The following USP34 variants were observed in gnomAD, a reference collection of about 807,000 sequenced individuals.
USP34 encodes the protein ubiquitin carboxyl-terminal hydrolase 34.
Under a neutral mutation model 460.3 loss-of-function variants are expected in USP34, and 70 were observed. The ratio of observed to expected loss-of-function variants is 0.15; its 90% confidence interval spans 0.13 to 0.19. USP34 has a LOEUF of 0.19. USP34 is among the 10% of genes least tolerant of loss of function. The pLI is 1.00. For synonymous variants in USP34, 1,647 were observed against 1,405.3 expected (o/e 1.17, Z -3.85); for missense variants, 3,985 against 4,236.2 (o/e 0.94, Z 1.65).
chr2:61,391,463 C>T (rs17008940), intron 5 of USP34, among the ~76,000 whole-genome samples: 19,537 of 152,080 alleles, frequency 0.13, 1,491 homozygotes, highest in South Asian at 0.32. Context: ...TATTCAGTAA[C>T]GTTAGTCCGT....
At chr2:61,387,876 C>T (rs371549912) in intron 5 of USP34, among the ~76,000 whole-genome samples, 14 of 146,920 alleles carry the variant, frequency 9.5e-5, no homozygotes, top group Non-Finnish European at 1.5e-4. Flanking sequence ...TTTACGTATA[C>T]GCATATGTAA....
chr2:61,318,311 G>A (rs1333454569), intron 22 of USP34, among the ~76,000 whole-genome samples: 3 of 152,028 alleles, frequency 2.0e-5, no homozygotes, highest in Non-Finnish European at 4.4e-5. Context: ...CAAATCAGAG[G>A]ACATAAATAA....
chr2:61,415,469 C>T lies in USP34; in HGVS notation c.131+5277G>A, dbSNP rs1446178761. Among the ~76,000 whole-genome samples, 3 of 152,076 alleles carry T rather than the reference C, an allele frequency of 2.0e-5. No homozygotes were observed. The East Asian group carries it at 5.8e-4, about 29-fold the overall frequency. On this transcript the variant is annotated intron_variant, in intron 2 of 79. Transcript: ENST00000398571. Reference sequence around the variant, plus strand: ...AGAACTACCCTAAGAATTGATGTAACTATACTGAGAGAACTGGGGAGGGTA... The same window carrying T: ...AGAACTACCCTAAGAATTGATGTAATTATACTGAGAGAACTGGGGAGGGTA...
chr2:61,387,184 G>C (rs1469091279), intron 5 of USP34, among the ~76,000 whole-genome samples: 2 of 152,088 alleles, frequency 1.3e-5, no homozygotes, highest in Non-Finnish European at 2.9e-5. Context: ...TAACAGGCCA[G>C]GTGCAGTGGC....
chr2:61,436,201 C>T lies in USP34; in HGVS notation c.44-15368G>A, dbSNP rs188102559. On this transcript the variant is annotated intron_variant, in intron 1 of 79. Coordinates refer to ENST00000398571, the MANE Select transcript of USP34 (RefSeq NM_014709.4). ...AAAAAATTGGCTGGGCACAGTGGCT[C>T]ATGCTGTAATCTCAGCTACTTGGGA... Among the ~76,000 whole-genome samples the T allele has an allele frequency of 1.9e-3, 284 of 151,820 alleles. 1 individual carries two copies. The highest frequency in any genetic ancestry group is 6.8e-3 in the Middle Eastern group (2 of 292).
intron 78 of USP34, 133 bp downstream of exon 78, chr2:61,190,135 CTTG>C: frequency 1.6e-6 from 2 of 1,244,528 alleles, no homozygotes; most frequent in South Asian, 1.6e-5. Context: ...GTATTTAAAA[CTTG>C]TTTTTTTGTC....
intron 33 of USP34, among the ~76,000 whole-genome samples, chr2:61,291,948 A>ATC: frequency 2.0e-5 from 3 of 152,204 alleles, no homozygotes; most frequent in African/African-American, 7.2e-5. Flanking sequence ...TAAGTGAAAG[A>ATC]AACCAGTCAC....
At chr2:61,189,295 A>C in intron 78 of USP34, 1 of 438,616 alleles carries the variant, frequency 2.3e-6, no homozygotes, top group Non-Finnish European at 3.9e-6. Context: ...TTTTTTTGAG[A>C]TGGAGTCTTG....
At chr2:61,321,237 C>G (rs1159460664) in intron 21 of USP34, among the ~76,000 whole-genome samples, 1 of 152,074 alleles carries the variant, frequency 6.6e-6, no homozygotes. Context: ...CTTTGGGAGG[C>G]TGAGGCAGGC....
rs182161465 is a variant in USP34 at position 61,387,992 on chromosome 2, T to G, written c.754-4656A>C. Among the ~76,000 whole-genome samples, 229 of 146,422 alleles carry G rather than the reference T, an allele frequency of 1.6e-3. 1 individual carries two copies. The highest frequency in any genetic ancestry group is 7.2e-3 in the Middle Eastern group (2 of 278). On this transcript the variant is annotated intron_variant, in intron 5 of 79. Coordinates refer to ENST00000398571, the MANE Select transcript of USP34 (RefSeq NM_014709.4). Reference sequence around the variant, plus strand: ...ATATAAATATAAAAAAAAGGCCAGGTGGAGTGGCTCATGCCTGTAATCCCA... The same window carrying G: ...ATATAAATATAAAAAAAAGGCCAGGGGGAGTGGCTCATGCCTGTAATCCCA...
intron 43 of USP34, among the ~76,000 whole-genome samples, chr2:61,261,598 AT>A (rs1486157144): frequency 6.6e-6 from 1 of 152,194 alleles, no homozygotes; most frequent in Non-Finnish European, 1.5e-5. Context: ...AATAATGTGA[AT>A]GTATTTAATC....
intron 75 of USP34, 41 bp downstream of exon 75, chr2:61,203,099 A>C (rs1687023230): frequency 6.7e-7 from 1 of 1,495,696 alleles, no homozygotes; most frequent in Non-Finnish European, 9.0e-7. Context: ...TAGGGGCTTA[A>C]AATAATTCAG....
chr2:61,210,858 A>G (rs1434464239), intron 69 of USP34, among the ~76,000 whole-genome samples: 1 of 152,124 alleles, frequency 6.6e-6, no homozygotes, highest in Non-Finnish European at 1.5e-5. Flanking sequence ...CTACAGGTGC[A>G]TGCCGTCACA....
chr2:61,460,718 C>G (rs1409733829), intron 1 of USP34, among the ~76,000 whole-genome samples: 2 of 152,140 alleles, frequency 1.3e-5, no homozygotes, highest in Non-Finnish European at 2.9e-5. Context: ...GGTGTGGCAG[C>G]TCATGCCTGT....
At chr2:61,379,815 T>C (rs530374562) in intron 7 of USP34, among the ~76,000 whole-genome samples, 2 of 152,372 alleles carry the variant, frequency 1.3e-5, no homozygotes, top group South Asian at 2.1e-4. Flanking sequence ...CAATAATCTA[T>C]GGTTTCTGCC....
rs1240971987 is a variant in USP34 at position 61,203,273 on chromosome 2, A to G, written c.9385-10T>C. 1.5e-5 allele frequency: 22 copies of G among 1,514,972 alleles called. No homozygotes were observed. The highest frequency in any genetic ancestry group is 1.9e-5 in the Non-Finnish European group (22 of 1,131,244). The allele number at this position is 1,514,972 out of a possible 1,614,324, so 93.8% of individuals were successfully genotyped here. ...AAACGTCATCTTTGCCCTGAAGGTTAAAGATGATAAAATGGTTGCACTTAA... is the reference window on the plus strand; with the variant it reads ...AAACGTCATCTTTGCCCTGAAGGTTGAAGATGATAAAATGGTTGCACTTAA... On this transcript the variant is annotated splice_polypyrimidine_tract_variant and intron_variant, in intron 74 of 79. Transcript: ENST00000398571.
At chr2:61,402,163 C>G (rs1175269001) in intron 3 of USP34, among the ~76,000 whole-genome samples, 1 of 151,926 alleles carries the variant, frequency 6.6e-6, no homozygotes, top group East Asian at 1.9e-4. Flanking sequence ...GCCTAGTGTC[C>G]AAGCTACTCA....
chr2:61,318,986 G>T (rs1306468620), intron 22 of USP34, among the ~76,000 whole-genome samples, 187 bp downstream of exon 22: 1 of 151,732 alleles, frequency 6.6e-6, no homozygotes, highest in Non-Finnish European at 1.5e-5. Context: ...TAATTTAGAG[G>T]TAAACAGTGT....
chr2:61,355,413 C>T (rs376716659), intron 10 of USP34, among the ~76,000 whole-genome samples: 31 of 152,246 alleles, frequency 2.0e-4, no homozygotes, highest in African/African-American at 7.5e-4. Context: ...ACTAGGCACA[C>T]AACATACCAA....
Sources: gnomAD v4.1 joint callset for allele counts (sites outside exome capture counted in the v4.1 genomes callset) on GRCh38, gnomAD v4.1.1 for gene constraint, MANE v1.5 for transcripts, NCBI Gene and HGNC (gene_info 2026-07-23, HGNC 2026-07-21) for gene names.